The following GAK variants were observed in gnomAD, a reference collection of about 807,000 sequenced individuals.
GAK encodes cyclin G associated kinase, also known as cyclin-G-associated kinase.
GAK carries 79 observed loss-of-function variants against 143.9 expected under a neutral mutation model. The observed-to-expected ratio is 0.55, with a 90% CI of 0.46 to 0.66. The LOEUF (loss-of-function observed/expected upper bound fraction) is 0.66. Among genes scored for constraint, GAK ranks in the 30% least tolerant of loss-of-function variants. The pLI, the probability that GAK is intolerant of heterozygous loss-of-function variation, is 0.00. For missense variants in GAK, 1,693 were observed against 1,779.7 expected, an observed-to-expected ratio of 0.95 and a Z score of 0.88; for synonymous variants, 881 against 765.5, an observed-to-expected ratio of 1.15 and a Z score of -2.49.
At position 911,744 on chromosome 4, in the gene GAK, G is replaced by A. The variant is rs1369210512; in HGVS notation, c.311C>T (p.Ala104Val). The change falls in exon 4 of 28, where the codon GCA becomes GTA. Residue 104 changes from alanine to valine, a missense_variant. By Grantham distance (64) the Ala-to-Val change is moderately conservative (BLOSUM62 0). Around this residue, in one of 2 missense-constraint regions of GAK, gnomAD observed 871 missense variants for 991.0 expected, o/e 0.88. Coordinates refer to ENST00000314167, the MANE Select transcript of GAK (RefSeq NM_005255.4). ...TGACTCCTCTTTTCCTATAGACGCT[G>A]CAGAACAAAACTGGACAATGTTCGG... ...GHPNIVQFCS[A>V]ASIGKEESDT... 1 of 1,614,046 alleles carries A rather than the reference G, an allele frequency of 6.2e-7. No individual in the cohort carries two copies. Among genetic ancestry groups the A allele is most frequent in the Non-Finnish European group, 8.5e-7 (1 of 1,179,952 alleles).
In GAK at chr4:875,652, T is replaced by C. The variant is rs563517330; in HGVS notation, c.2054+878A>G. ...GGAACAATGTTTGTTCCACTGTGTC[T>C]TGGCAGATAAGCCTGCCTGTGATTG... On this transcript the variant is annotated intron_variant, in intron 18 of 27. Transcript: ENST00000314167. Among the ~76,000 whole-genome samples the C allele has an allele frequency of 9.8e-5, 15 of 152,338 alleles. No individual in the cohort carries two copies. In the South Asian group the frequency reaches 1.7e-3, roughly 17 times the overall value.
At chr4:855,967 AC>A (rs1476821109) in intron 24 of GAK, among the ~76,000 whole-genome samples, 2 of 152,142 alleles carry the variant, frequency 1.3e-5, no homozygotes, top group African/African-American at 2.4e-5. Context: ...AAACAAACAA[AC>A]AAAAAAAAGA....
intron 18 of GAK, among the ~76,000 whole-genome samples, chr4:872,038 AG>A (rs1577102696): frequency 6.6e-6 from 1 of 152,228 alleles, no homozygotes; most frequent in Non-Finnish European, 1.5e-5. Context: ...CTGCAGGGCC[AG>A]GAACACCCAG....
In GAK at chr4:898,112, T is replaced by C; in HGVS notation, c.572A>G (p.Asp191Gly). 6.2e-7 allele frequency: 1 copy of C among 1,614,182 alleles called. No homozygotes were observed. The highest frequency in any genetic ancestry group is 8.5e-7 in the Non-Finnish European group (1 of 1,180,006). Residue 191 changes from aspartate (D) to glycine (G), a missense_variant, in exon 6 of 28, where the codon GAC becomes GGC. Asp to Gly is a moderately conservative substitution (Grantham distance 94). Around this residue, in one of 2 missense-constraint regions of GAK, gnomAD observed 871 missense variants for 991.0 expected, o/e 0.88. Coordinates refer to ENST00000314167, the MANE Select transcript of GAK (RefSeq NM_005255.4). ...CGAGATGGTCGTGGCACTGCCAAAGTCACACAGCTTAATGGTCCCTTGGTT... is the reference window on the plus strand; with the variant it reads ...CGAGATGGTCGTGGCACTGCCAAAGCCACACAGCTTAATGGTCCCTTGGTT... ...LSNQGTIKLC[D>G]FGSATTISHY...
At position 882,825 on chromosome 4, in the gene GAK, G is replaced by A. The variant is rs1270502024; in HGVS notation, c.1405-6C>T. ...GCCCAGCCACACTCGGAGACCTGTG[G>A]GGACAGGGCACGGTGGCACGGACGG... On this transcript the variant is annotated splice_region_variant and splice_polypyrimidine_tract_variant and intron_variant, in intron 13 of 27. Transcript: ENST00000314167. 1.2e-6 allele frequency: 2 copies of A among 1,608,520 alleles called. No homozygotes were observed. The highest frequency in any genetic ancestry group is 1.7e-6 in the Non-Finnish European group (2 of 1,179,634).
rs776222417 is a variant in GAK, at chr4:932,033, G to A, written c.145+10C>T. On this transcript the variant is annotated intron_variant, in intron 1 of 27. Coordinates refer to ENST00000314167, the MANE Select transcript of GAK (RefSeq NM_005255.4). The surrounding 1 kb of genome is among the most constrained non-coding windows in gnomAD (Gnocchi z 4.0). ...GCGGCCGCACCCGCGCTGCCGACCC[G>A]GGGCCTCACCTTCGGCCAGGACCCG... 5 of 1,566,714 alleles carry A rather than the reference G, an allele frequency of 3.2e-6. No homozygotes were observed. The African/African-American group carries it at 4.1e-5, about 13-fold the overall frequency.
chr4:926,875 AC>A lies in GAK; in HGVS notation c.145+5167del, dbSNP rs1179508436. 7.0e-4 allele frequency among the ~76,000 whole-genome samples: 5 copies of A among 7,140 alleles called. 2 individuals carry two copies. The highest frequency in any genetic ancestry group is 1.0e-3 in the African/African-American group (2 of 1,994). The allele number at this position is 7,140 out of a possible 152,430, so 4.7% of individuals were successfully genotyped here. ...CACCTGCGCTCCGCACTGCCCCGCA[AC>A]CCCCCCCACCCCGCTCACCTGCGCT... On this transcript the variant is annotated intron_variant, in intron 1 of 27. Coordinates refer to ENST00000314167, the MANE Select transcript of GAK (RefSeq NM_005255.4).
At position 870,763 on chromosome 4, in the gene GAK, G is replaced by A; in HGVS notation, c.2196C>T (p.Pro732=). ...CCTCCCGGCTGGAAAACAGGATTTT[G>A]GGGTTCAGCCCCCTCATGCTCGAGT... ...WENSSMRGLN[P]KILFSSREEQ... Residue 732 remains proline (P), a synonymous_variant, in exon 19 of 28, where the codon CCC becomes CCT. Transcript: ENST00000314167. 6.2e-7 allele frequency: 1 copy of A among 1,614,052 alleles called. No homozygotes were observed. Among genetic ancestry groups the A allele is most frequent in the Non-Finnish European group, 8.5e-7 (1 of 1,180,006 alleles).
chr4:850,122 C>A, intron 26 of GAK, 54 bp from the exon 27 acceptor site: 1 of 1,485,390 alleles, frequency 6.7e-7, no homozygotes, highest in African/African-American at 1.4e-5. Context: ...CCCTCCTCCT[C>A]TGCACCGCGG....
At chr4:894,180 T>C (rs1429799445) in intron 7 of GAK, 171 bp from the exon 8 acceptor site, 4 of 575,024 alleles carry the variant, frequency 7.0e-6, no homozygotes, top group South Asian at 3.4e-5. Flanking sequence ...ACAGGGGTGA[T>C]ATCGGGAACA....
At chr4:882,846 G>C (rs1478123154) in intron 13 of GAK, 27 bp from the exon 14 acceptor site, 1 of 1,600,770 alleles carries the variant, frequency 6.2e-7, no homozygotes, top group Non-Finnish European at 8.5e-7. Context: ...CGGTGGCACG[G>C]ACGGCAGAGG....
At chr4:917,536 A>C (rs559918550) in intron 1 of GAK, among the ~76,000 whole-genome samples, 16 of 152,398 alleles carry the variant, frequency 1.0e-4, no homozygotes, top group African/African-American at 3.8e-4. Context: ...AAAAGAGAGT[A>C]CATATACACA....
intron 9 of GAK, among the ~76,000 whole-genome samples, chr4:893,136 CCT>C (rs907533062): frequency 6.6e-6 from 1 of 152,080 alleles, no homozygotes; most frequent in Admixed American, 6.5e-5. Flanking sequence ...GCCTCCCGCC[CCT>C]CTGTGATAGG....
At chr4:931,261 T>C (rs986080615) in intron 1 of GAK, among the ~76,000 whole-genome samples, 2 of 152,222 alleles carry the variant, frequency 1.3e-5, no homozygotes, top group African/African-American at 2.4e-5. Flanking sequence ...CCGAGTGACC[T>C]GTCCACTCTG....
intron 5 of GAK, among the ~76,000 whole-genome samples, chr4:898,970 G>A (rs566185634): frequency 3.3e-5 from 5 of 152,332 alleles, no homozygotes; most frequent in South Asian, 2.1e-4. Flanking sequence ...ATGGGAGCTC[G>A]GGCCAAACAG....
Position 865,127 on chromosome 4 carries a change from G to A in GAK, c.3161C>T (p.Thr1054Ile). 2 of 1,608,618 alleles carry A rather than the reference G, an allele frequency of 1.2e-6. No individual in the cohort carries two copies. The highest frequency in any genetic ancestry group is 1.7e-6 in the Non-Finnish European group (2 of 1,177,418). Reference sequence around the variant, plus strand: ...TTGGTGGGTGGTGGCCATACCTTCTGTGGCTGGCGTGGGGGCCACTGCCGA... The same window carrying A: ...TTGGTGGGTGGTGGCCATACCTTCTATGGCTGGCGTGGGGGCCACTGCCGA... ...AASAVAPTPATEGPLFSPGGQ... is the reference protein window; with the variant it reads ...AASAVAPTPAIEGPLFSPGGQ... Residue 1054 changes from threonine to isoleucine, a missense_variant, in exon 23 of 28, where the codon ACA becomes ATA. By Grantham distance (89) the Thr-to-Ile change is moderately conservative. Coordinates refer to ENST00000314167, the MANE Select transcript of GAK (RefSeq NM_005255.4).
intron 11 of GAK, 128 bp from the exon 12 acceptor site, chr4:884,214 G>A (rs114076835): frequency 4.0e-6 from 3 of 746,456 alleles, no homozygotes; most frequent in African/African-American, 3.5e-5. Flanking sequence ...CATCCCAGGA[G>A]GAACGTGTGT....
In GAK at chr4:911,776, G is replaced by A. The variant is rs749700474; in HGVS notation, c.279C>T (p.Ser93=). Residue 93 remains serine (S), a synonymous_variant, in exon 4 of 28, where the codon TCC becomes TCT. Transcript: ENST00000314167. ...AAAACTGGACAATGTTCGGGTGGCC[G>A]GAAAGCTTTTTCTGCAGTTGTCTTG... The part of the protein sequence containing the change: ...IQEVCFMKKL[S]GHPNIVQFCS... The A allele has an allele frequency of 6.2e-6, 10 of 1,613,594 alleles. No homozygotes were observed. Among genetic ancestry groups the A allele is most frequent in the South Asian group, 4.4e-5 (4 of 91,080 alleles).
At chr4:893,535 G>T in intron 8 of GAK, 46 bp from the exon 9 acceptor site, 1 of 1,389,706 alleles carries the variant, frequency 7.2e-7, no homozygotes, top group Non-Finnish European at 9.6e-7. Flanking sequence ...TCCCCAGGCG[G>T]GTCAGCACCC....
Sources: allele counts gnomAD v4.1 joint callset (sites outside exome capture counted in the v4.1 genomes callset), GRCh38; gene constraint gnomAD v4.1.1; regional missense constraint gnomAD v4.1.1; non-coding constraint Gnocchi (gnomAD v3.1); transcripts MANE v1.5; gene names NCBI Gene and HGNC (gene_info 2026-07-23, HGNC 2026-07-21).